RABGAP1L: variants seen among roughly 807,000 people sequenced by gnomAD.
The protein encoded by RABGAP1L is RAB GTPase activating protein 1 like.
A neutral mutation model predicts 137.7 loss-of-function variants in RABGAP1L; 63 were observed. That is an observed-to-expected ratio of 0.46 (90% CI 0.37 to 0.56). The LOEUF (loss-of-function observed/expected upper bound fraction) is 0.56. Among genes scored for constraint, RABGAP1L ranks in the 20% least tolerant of loss-of-function variants. The probability of loss-of-function intolerance (pLI) is 0.00; values close to 1 mark genes in which losing one functional copy is unlikely to be tolerated. For missense variants in RABGAP1L, 1,095 were observed against 1,244.0 expected (o/e 0.88, Z 1.80); for synonymous variants, 431 against 433.7 (o/e 0.99, Z 0.08).
chr1:174,820,098 A>G (rs912586476), intron 19 of RABGAP1L, among the ~76,000 whole-genome samples: 1 of 152,196 alleles, frequency 6.6e-6, no homozygotes, highest in Admixed American at 6.5e-5. Context: ...CAGCTAGTCT[A>G]TATTGTTGTA....
rs114764687 is a variant in RABGAP1L, at chr1:174,226,939, T to C, written c.332-4206T>C. 1.3e-5 allele frequency among the ~76,000 whole-genome samples: 2 copies of C among 152,258 alleles called. 1 individual carries two copies. The highest frequency in any genetic ancestry group is 2.9e-5 in the Non-Finnish European group (2 of 68,006). The stretch of plus-strand genomic sequence containing the variant: ...TTCCACTTCCTACTTGTTTATGGTG[T>C]GGCTTGCAAAGTAAAATGGTTTTTA... On this transcript the variant is annotated intron_variant, in intron 3 of 25. Transcript: ENST00000681986.
At chr1:174,563,701 A>G (rs1557852496) in intron 13 of RABGAP1L, among the ~76,000 whole-genome samples, 1 of 152,166 alleles carries the variant, frequency 6.6e-6, no homozygotes, top group Non-Finnish European at 1.5e-5. Context: ...TTTTCAGAGT[A>G]AAATGGGGGA....
chr1:174,864,354 A>T (rs1400345043), intron 19 of RABGAP1L, among the ~76,000 whole-genome samples: 3 of 152,188 alleles, frequency 2.0e-5, no homozygotes, highest in Non-Finnish European at 2.9e-5. Flanking sequence ...CTCTTATATT[A>T]GTTCATTCTC....
intron 13 of RABGAP1L, among the ~76,000 whole-genome samples, chr1:174,599,822 T>A (rs1033891737): frequency 2.1e-4 from 32 of 152,204 alleles, no homozygotes; most frequent in Non-Finnish European, 2.5e-4. Context: ...GGGTTAAATC[T>A]GCTTGGTGTT....
At chr1:174,542,585 C>T (rs1665569627) in intron 13 of RABGAP1L, among the ~76,000 whole-genome samples, 1 of 151,928 alleles carries the variant, frequency 6.6e-6, no homozygotes, top group South Asian at 2.1e-4. Flanking sequence ...TTTTGTGTCT[C>T]TATCTCCTTC....
chr1:174,913,268 G>A (rs564338384), intron 19 of RABGAP1L, among the ~76,000 whole-genome samples: 6 of 152,148 alleles, frequency 3.9e-5, no homozygotes, highest in East Asian at 1.9e-4. Flanking sequence ...GAGCCACTGC[G>A]CCCGACCTCT....
intron 11 of RABGAP1L, among the ~76,000 whole-genome samples, chr1:174,336,893 GAGAGAA>G (rs1197134989): frequency 1.5e-4 from 21 of 141,456 alleles, no homozygotes; most frequent in African/African-American, 5.6e-4. Context: ...GTGAGAGAGA[GAGAGAA>G]AGAGAGAGAA....
intron 13 of RABGAP1L, among the ~76,000 whole-genome samples, chr1:174,514,020 C>CTGTTCTTT (rs1444734049): frequency 6.6e-6 from 1 of 151,982 alleles, no homozygotes; most frequent in Non-Finnish European, 1.5e-5. Flanking sequence ...CTGAATGCTG[C>CTGTTCTTT]TGTTCTTTTA....
chr1:174,915,851 A>G (rs565045001), intron 19 of RABGAP1L, among the ~76,000 whole-genome samples: 1 of 152,290 alleles, frequency 6.6e-6, no homozygotes, highest in African/African-American at 2.4e-5. Flanking sequence ...TATATGATTT[A>G]TAAATATTTT....
chr1:174,784,011 CTTTTTTTTTTTTTTT>C (rs3085670), intron 18 of RABGAP1L, among the ~76,000 whole-genome samples: 2 of 52,140 alleles, frequency 3.8e-5, no homozygotes, highest in African/African-American at 1.5e-4. Context: ...TCTTCTTCTT[CTTTTTTTTTTTTTTT>C]TTTTTTTTTT....
At chr1:174,947,852 T>G (rs1667126743) in intron 19 of RABGAP1L, among the ~76,000 whole-genome samples, 1 of 152,280 alleles carries the variant, frequency 6.6e-6, no homozygotes, top group African/African-American at 2.4e-5. Flanking sequence ...GCTGCTTATA[T>G]AAATAGATTC....
At chr1:174,282,168 C>T (rs1266256725) in intron 10 of RABGAP1L, among the ~76,000 whole-genome samples, 1 of 152,122 alleles carries the variant, frequency 6.6e-6, no homozygotes, top group African/African-American at 2.4e-5. Context: ...TGGGTTGATA[C>T]CAAGAAATGG....
In RABGAP1L at chr1:174,405,354, A is replaced by G. The variant is rs1649135958; in HGVS notation, c.1710+11209A>G. On this transcript the variant is annotated intron_variant, in intron 13 of 25. Coordinates refer to ENST00000681986, the MANE Select transcript of RABGAP1L (RefSeq NM_001366446.1). ...CTAGTAAAATAACACTCAATACTAG[A>G]TTTTATTGAGAGTCAGAGCATCGCT... is the stretch of plus-strand genomic sequence containing the variant. 5.3e-5 allele frequency among the ~76,000 whole-genome samples: 8 copies of G among 152,256 alleles called. No individual in the cohort carries two copies. The South Asian group carries it at 1.7e-3, about 32-fold the overall frequency.
chr1:174,175,902 G>C (rs964948529), intron 1 of RABGAP1L, among the ~76,000 whole-genome samples: 1 of 152,146 alleles, frequency 6.6e-6, no homozygotes, highest in African/African-American at 2.4e-5. Context: ...TGGGATTAGA[G>C]ACATGAGCCA....
At chr1:174,458,164 A>T (rs2149273822) in intron 13 of RABGAP1L, among the ~76,000 whole-genome samples, 1 of 152,196 alleles carries the variant, frequency 6.6e-6, no homozygotes, top group East Asian at 1.9e-4. Flanking sequence ...CAGTCCGCTG[A>T]CTATTGTAGA....
In RABGAP1L at chr1:174,637,457, A is replaced by T. The variant is rs1299444758; in HGVS notation, c.1793A>T (p.Asp598Val). The change falls in exon 14 of 26, where the codon GAT becomes GTT. Residue 598 changes from aspartate (D) to valine (V), a missense_variant. Physicochemically the swap from Asp to Val is radical, Grantham distance 152. Transcript: ENST00000681986. ...GATTACTTTAAAGATACTGGAGGAGATGGTCAAGAATCGCTCTATAAGATC... is the reference window on the plus strand; with the variant it reads ...GATTACTTTAAAGATACTGGAGGAGTTGGTCAAGAATCGCTCTATAAGATC... Reference protein sequence around the residue: ...AHDYFKDTGGDGQESLYKICK... With the variant: ...AHDYFKDTGGVGQESLYKICK... 1.9e-6 allele frequency: 3 copies of T among 1,610,112 alleles called. No individual in the cohort carries two copies. The highest frequency in any genetic ancestry group is 2.5e-6 in the Non-Finnish European group (3 of 1,176,554).
rs1394077638 is a variant in RABGAP1L at position 174,523,358 on chromosome 1, C to T, written c.1711-114017C>T. On this transcript the variant is annotated intron_variant, in intron 13 of 25. Transcript: ENST00000681986. ...ACAGCATTTGACTTTTTTTTAGAGA[C>T]CAAAACAAAAAAATAAAAACAACTT... Among the ~76,000 whole-genome samples the T allele has an allele frequency of 2.7e-5, 4 of 150,268 alleles. No individual in the cohort carries two copies. In the East Asian group the frequency reaches 5.9e-4, roughly 22 times the overall value.
intron 17 of RABGAP1L, among the ~76,000 whole-genome samples, chr1:174,728,943 C>T (rs1682232090): frequency 1.3e-5 from 2 of 152,098 alleles, no homozygotes; most frequent in Admixed American, 1.3e-4. Flanking sequence ...GCCTGGCCAC[C>T]AGTGTCATTT....
At chr1:174,468,715 T>TTCTC (rs76764427) in intron 13 of RABGAP1L, among the ~76,000 whole-genome samples, 4 of 150,790 alleles carry the variant, frequency 2.7e-5, no homozygotes, top group South Asian at 2.1e-4. Context: ...ATCTACCTCT[T>TTCTC]TCTCTCTCTC....
Sources: gnomAD v4.1 joint callset for allele counts (sites outside exome capture counted in the v4.1 genomes callset) on GRCh38, gnomAD v4.1.1 for gene constraint, MANE v1.5 for transcripts, NCBI Gene and HGNC (gene_info 2026-07-23, HGNC 2026-07-21) for gene names.